The following MMS22L variants were observed in gnomAD, a reference collection of about 807,000 sequenced individuals.
The protein encoded by MMS22L is MMS22 like, DNA repair protein.
A neutral mutation model predicts 159.1 loss-of-function variants in MMS22L; 74 were observed. The observed-to-expected ratio is 0.47, with a 90% confidence interval of 0.39 to 0.56. The LOEUF (loss-of-function observed/expected upper bound fraction) is 0.56, where lower values mean the gene tolerates loss of function less well. MMS22L is among the 20% of genes least tolerant of loss of function. The pLI, the probability that MMS22L is intolerant of heterozygous loss-of-function variation, is 0.00. For missense variants in MMS22L, 1,351 were observed against 1,422.1 expected (o/e 0.95, Z 0.80); for synonymous variants, 517 against 506.9 (o/e 1.02, Z -0.27).
At chr6:97,147,513 AG>A (rs1800976380) in intron 24 of MMS22L, among the ~76,000 whole-genome samples, 1 of 152,178 alleles carries the variant, frequency 6.6e-6, no homozygotes, top group African/African-American at 2.4e-5. Flanking sequence ...TAACCACACA[AG>A]GTAGTAGGCC....
chr6:97,277,724 T>C (rs953509587), intron 4 of MMS22L, among the ~76,000 whole-genome samples: 10 of 152,114 alleles, frequency 6.6e-5, no homozygotes, highest in African/African-American at 1.9e-4. Context: ...ATCCAGAATA[T>C]AGCCTTATCC....
chr6:97,151,076 C>A (rs923646227), intron 23 of MMS22L, among the ~76,000 whole-genome samples: 2 of 152,136 alleles, frequency 1.3e-5, no homozygotes, highest in African/African-American at 4.8e-5. Flanking sequence ...TGTACTTCTA[C>A]AATGGATCCA....
chr6:97,263,311 C>G, intron 9 of MMS22L, 24 bp downstream of exon 9: 1 of 1,379,950 alleles, frequency 7.2e-7, no homozygotes, highest in Non-Finnish European at 1.0e-6. Context: ...TAACAATAAC[C>G]AACACATCAA....
intron 14 of MMS22L, among the ~76,000 whole-genome samples, chr6:97,215,515 C>T (rs1000559963): frequency 6.6e-6 from 1 of 152,112 alleles, no homozygotes; most frequent in Non-Finnish European, 1.5e-5. Flanking sequence ...CGGGGTTACT[C>T]CCAGACTGAA....
chr6:97,226,624 CAT>C lies in MMS22L; in HGVS notation c.2039+2268_2039+2269del, dbSNP rs1335176733. ...TATATATGTATATATTCTATATACA[CAT>C]ATGTGTATATCCTATACATTCTTTA... On this transcript the variant is annotated intron_variant, in intron 14 of 24. Coordinates refer to ENST00000683635, the MANE Select transcript of MMS22L (RefSeq NM_001350599.2). Among the ~76,000 whole-genome samples, 9 of 151,556 alleles carry C rather than the reference CAT, an allele frequency of 5.9e-5. No individual in the cohort carries two copies. In the South Asian group the frequency reaches 8.3e-4, roughly 14 times the overall value.
At chr6:97,280,198 A>C (rs908837233) in intron 3 of MMS22L, among the ~76,000 whole-genome samples, 2 of 152,242 alleles carry the variant, frequency 1.3e-5, no homozygotes. Context: ...ATTTTCCTTT[A>C]AATGTATCAC....
chr6:97,249,468 T>A (rs1813009849), intron 10 of MMS22L, among the ~76,000 whole-genome samples: 1 of 152,298 alleles, frequency 6.6e-6, no homozygotes, highest in Admixed American at 6.5e-5. Context: ...AAGACAGTTT[T>A]AGGGACTGTC....
intron 14 of MMS22L, among the ~76,000 whole-genome samples, chr6:97,205,614 A>T (rs1003758360): frequency 3.9e-5 from 6 of 152,196 alleles, no homozygotes. Flanking sequence ...ACCCAACACT[A>T]CTTTTCTTAG....
chr6:97,252,856 G>A (rs1813390275), intron 10 of MMS22L, among the ~76,000 whole-genome samples: 1 of 152,022 alleles, frequency 6.6e-6, no homozygotes, highest in Non-Finnish European at 1.5e-5. Flanking sequence ...AGAATTACAG[G>A]TAAATTTTCT....
chr6:97,178,568 G>T lies in MMS22L; in HGVS notation c.2554C>A (p.Gln852Lys). 6.5e-7 allele frequency: 1 copy of T among 1,530,960 alleles called. No homozygotes were observed. Among genetic ancestry groups the T allele is most frequent in the Non-Finnish European group, 8.9e-7 (1 of 1,121,132 alleles). 94.8% of individuals were successfully genotyped at this position (1,530,960 alleles called of 1,614,324 possible). A position where few individuals can be genotyped will look rare whatever the true frequency, so the allele number is the denominator to read the frequency against. ...AGTAATCTTGTCAGTTTGACCAACT[G>T]TTTCATGTACTCTTTTTCTGTTAAA... is the stretch of plus-strand genomic sequence containing the variant. ...EEAVEKEYMKQLVKLTRLLFN... is the reference protein window; with the variant it reads ...EEAVEKEYMKKLVKLTRLLFN... The change falls in exon 18 of 25, where the codon CAG becomes AAG. Residue 852 changes from glutamine to lysine, a missense_variant. Gln to Lys is a moderately conservative substitution (Grantham distance 53). Coordinates refer to ENST00000683635, the MANE Select transcript of MMS22L (RefSeq NM_001350599.2).
In MMS22L at chr6:97,152,219, C is replaced by T. The variant is rs535792539; in HGVS notation, c.3386-352G>A. ...AGCCTTTACAAATTCAGCTGATTTA[C>T]AGACAGGCAGATTGATTTTTTAAAA... is the stretch of plus-strand genomic sequence containing the variant. On this transcript the variant is annotated intron_variant, in intron 22 of 24. Transcript: ENST00000683635. Among the ~76,000 whole-genome samples the T allele has an allele frequency of 7.2e-5, 11 of 152,152 alleles. No individual in the cohort carries two copies. In the East Asian group the frequency reaches 2.1e-3, roughly 29 times the overall value.
Position 97,231,666 on chromosome 6 carries a change from A to G in MMS22L, c.1303-14T>C, listed in dbSNP as rs779520201. The stretch of plus-strand genomic sequence containing the variant: ...GAAGGAACTATTCTAAAAGGGGGGA[A>G]AAAAAAGATAGAAAACAATTATTAG... On this transcript the variant is annotated splice_polypyrimidine_tract_variant and intron_variant, in intron 12 of 24. Transcript: ENST00000683635. 1.1e-5 allele frequency: 15 copies of G among 1,385,472 alleles called. No homozygotes were observed. The highest frequency in any genetic ancestry group is 2.4e-5 in the South Asian group (2 of 82,370). 85.8% of individuals were successfully genotyped at this position (1,385,472 alleles called of 1,614,324 possible).
chr6:97,189,551 C>CAAA (rs67620002), intron 14 of MMS22L, among the ~76,000 whole-genome samples: 8 of 55,218 alleles, frequency 1.4e-4, no homozygotes, highest in East Asian at 9.0e-4. Flanking sequence ...ACTCTGTCTC[C>CAAA]AAAAAAAAAA....
At chr6:97,156,145 G>A (rs1801817005) in intron 22 of MMS22L, among the ~76,000 whole-genome samples, 1 of 152,172 alleles carries the variant, frequency 6.6e-6, no homozygotes, top group Non-Finnish European at 1.5e-5. Flanking sequence ...AGAAGTGTCT[G>A]TTCATATCCT....
chr6:97,186,415 G>A, intron 15 of MMS22L, 82 bp downstream of exon 15: 2 of 1,195,538 alleles, frequency 1.7e-6, no homozygotes, highest in Non-Finnish European at 2.3e-6. Context: ...CTATACAAGA[G>A]TTTGTTACTA....
chr6:97,207,723 A>G (rs1044524016), intron 14 of MMS22L, among the ~76,000 whole-genome samples: 1 of 152,162 alleles, frequency 6.6e-6, no homozygotes, highest in African/African-American at 2.4e-5. Context: ...GACAACAAAT[A>G]CATAGTCAAC....
At chr6:97,151,897 T>G (rs1801359403) in intron 22 of MMS22L, 30 bp from the exon 23 acceptor site, 2 of 1,546,142 alleles carry the variant, frequency 1.3e-6, no homozygotes, top group Non-Finnish European at 1.8e-6. Context: ...CATTAGGCAC[T>G]GTGTCTGAAT....
At position 97,174,273 on chromosome 6, in the gene MMS22L, A is replaced by AT. The variant is rs1292005395; in HGVS notation, c.2680-1052_2680-1051insA. On this transcript the variant is annotated intron_variant, in intron 18 of 24. Transcript: ENST00000683635. ...TCAAAAAAAAAATAAAAAAAAAAAAAAAATAAAAAGAAAGTTTAAGTAAAC... is the reference window on the plus strand; with the variant it reads ...TCAAAAAAAAAATAAAAAAAAAAAAATAAATAAAAAGAAAGTTTAAGTAAAC... Among the ~76,000 whole-genome samples the AT allele has an allele frequency of 4.3e-3, 648 of 151,648 alleles. 4 individuals are homozygous for AT. The highest frequency in any genetic ancestry group is 0.015 in the African/African-American group (603 of 41,248).
intron 7 of MMS22L, 102 bp downstream of exon 7, chr6:97,269,800 A>C (rs1457798527): frequency 1.3e-6 from 1 of 795,424 alleles, no homozygotes; most frequent in African/African-American, 1.8e-5. Flanking sequence ...TTACTATTTG[A>C]TTTTTTTTTA....
Sources: gnomAD v4.1 joint callset for allele counts (sites outside exome capture counted in the v4.1 genomes callset) on GRCh38, gnomAD v4.1.1 for gene constraint, MANE v1.5 for transcripts, NCBI Gene and HGNC (gene_info 2026-07-23, HGNC 2026-07-21) for gene names.